Variants in TMC2 observed in about 807,000 individuals in gnomAD.
The protein encoded by TMC2 is transmembrane channel-like protein 2.
TMC2 carries 102 observed loss-of-function variants against 105.9 expected under a neutral mutation model. The ratio of observed to expected loss-of-function variants is 0.96; its 90% confidence interval spans 0.82 to 1.14. The LOEUF is 1.14. Among genes scored for constraint, TMC2 ranks in the 50% most tolerant of loss-of-function variants. The probability of loss-of-function intolerance (pLI) is 0.00; values close to 1 mark genes in which losing one functional copy is unlikely to be tolerated. For synonymous variants in TMC2, 402 were observed against 422.8 expected (o/e 0.95, Z 0.60); for missense variants, 1,093 against 1,134.3 (o/e 0.96, Z 0.52).
At position 2,613,213 on chromosome 20, in the gene TMC2, T is replaced by A. The variant is rs757763126; in HGVS notation, c.1763T>A (p.Val588Glu). The change falls in exon 14 of 20, where the codon GTG (valine) becomes GAG (glutamate). Residue 588 changes from valine to glutamate, a missense_variant. Physicochemically the swap from Val to Glu is moderately radical, Grantham distance 121. Transcript: ENST00000358864. ...CTGCAGGAATTCATGAGGCTGACGG[T>A]GTCTGACATGCTGGTAACGTACATC... The part of the protein sequence containing the change: ...AVGIEFMRLT[V>E]SDMLVTYITI... 6.2e-7 allele frequency: 1 copy of A among 1,613,630 alleles called. No homozygotes were observed. Among genetic ancestry groups the A allele is most frequent in the African/African-American group, 1.3e-5 (1 of 74,906 alleles).
At chr20:2,625,867 A>G (rs1300201727) in intron 17 of TMC2, among the ~76,000 whole-genome samples, 2 of 152,014 alleles carry the variant, frequency 1.3e-5, no homozygotes, top group African/African-American at 2.4e-5. Context: ...ATAAATTCCA[A>G]CTCTCCGGTG....
Position 2,592,339 on chromosome 20 carries a change from TC to T in TMC2, c.867del (p.Arg290GlufsTer44), listed in dbSNP as rs2086274851. The T allele has an allele frequency of 6.2e-7, 1 of 1,614,050 alleles. No individual in the cohort carries two copies. The highest frequency in any genetic ancestry group is 2.2e-5 in the East Asian group (1 of 44,880). ...TGATGGGCATGCCCTATGGGAGTAT[TC>T]CCAGAAAGACAGTGCCTCGGGCTGA... Reference protein sequence around the residue: ...VLMGMPYGSIPRKTVPRAEEE... With the variant: ...VLMGMPYGSIXRKTVPRAEEE... On this transcript the variant is annotated frameshift_variant, in exon 8 of 20. Transcript: ENST00000358864. LOFTEE classifies it high-confidence loss of function. This position sits in a 1 kb window ranked among gnomAD's most constrained non-coding sequence, Gnocchi z 4.9.
chr20:2,606,215 G>A (rs752642814), intron 11 of TMC2, among the ~76,000 whole-genome samples: 12 of 151,968 alleles, frequency 7.9e-5, no homozygotes, highest in Admixed American at 1.3e-4. Flanking sequence ...ATACATCCTG[G>A]TATTGGTCAT....
intron 2 of TMC2, among the ~76,000 whole-genome samples, chr20:2,548,574 G>T (rs2085938168): frequency 6.6e-6 from 1 of 151,386 alleles, no homozygotes; most frequent in Admixed American, 6.6e-5. Flanking sequence ...GGAGGCGGAG[G>T]TTGCAGTGAG....
At chr20:2,570,035 G>T (rs934832350) in intron 4 of TMC2, among the ~76,000 whole-genome samples, 1 of 152,100 alleles carries the variant, frequency 6.6e-6, no homozygotes. Flanking sequence ...CATACTGAAT[G>T]GGCAAAAACT....
intron 2 of TMC2, among the ~76,000 whole-genome samples, chr20:2,550,272 G>A (rs1295205357): frequency 6.6e-6 from 1 of 152,032 alleles, no homozygotes; most frequent in African/African-American, 2.4e-5. Flanking sequence ...TCACTTGAGC[G>A]TGGGAGGCAG....
intron 2 of TMC2, among the ~76,000 whole-genome samples, chr20:2,557,431 T>G (rs2085991558): frequency 6.6e-6 from 1 of 152,272 alleles, no homozygotes. Flanking sequence ...TTTTTATTGT[T>G]TCTTAGAGTT....
rs1363978671 is a variant in TMC2, at chr20:2,597,307, C to T, written c.1224+9C>T. The stretch of plus-strand genomic sequence containing the variant: ...TCACCACCAGCTTCAAGGTAGTCAC[C>T]CCAGGGCAGTTCCCACTTCCGGAGA... On this transcript the variant is annotated intron_variant, in intron 10 of 19. Transcript: ENST00000358864. 1 of 1,612,168 alleles carries T rather than the reference C, an allele frequency of 6.2e-7. No individual in the cohort carries two copies. The highest frequency in any genetic ancestry group is 8.5e-7 in the Non-Finnish European group (1 of 1,178,640).
chr20:2,539,661 T>C (rs968143547), intron 2 of TMC2, among the ~76,000 whole-genome samples: 2 of 152,178 alleles, frequency 1.3e-5, no homozygotes, highest in South Asian at 2.1e-4. Flanking sequence ...AGAGCTCTCT[T>C]AGGGGTCATG....
At chr20:2,588,677 C>T in intron 7 of TMC2, among the ~76,000 whole-genome samples, 1 of 110,612 alleles carries the variant, frequency 9.0e-6, no homozygotes, top group East Asian at 3.0e-4. Flanking sequence ...ATGTGTGTGC[C>T]TTTGCATGTG....
intron 17 of TMC2, among the ~76,000 whole-genome samples, chr20:2,635,360 C>G (rs1165527677): frequency 6.6e-6 from 1 of 152,318 alleles, no homozygotes; most frequent in East Asian, 1.9e-4. Flanking sequence ...CCACCTCCCC[C>G]TCTCAGGGTT....
intron 2 of TMC2, among the ~76,000 whole-genome samples, chr20:2,555,021 A>C (rs900162601): frequency 2.0e-5 from 3 of 152,058 alleles, no homozygotes; most frequent in African/African-American, 4.8e-5. Flanking sequence ...TTGATAGAGG[A>C]ATATTAAAGT....
intron 19 of TMC2, among the ~76,000 whole-genome samples, chr20:2,639,186 C>T (rs553276561): frequency 2.0e-4 from 30 of 152,280 alleles, no homozygotes; most frequent in African/African-American, 6.5e-4. Flanking sequence ...TGAGCCACCG[C>T]GTCCGGCCTA....
At chr20:2,623,633 C>T (rs1184147016) in intron 16 of TMC2, among the ~76,000 whole-genome samples, 1 of 152,104 alleles carries the variant, frequency 6.6e-6, no homozygotes, top group Non-Finnish European at 1.5e-5. Flanking sequence ...ATTTCAAACC[C>T]CGTATTCCAC....
chr20:2,615,324 A>T (rs1269667809), intron 14 of TMC2, among the ~76,000 whole-genome samples: 1 of 152,240 alleles, frequency 6.6e-6, no homozygotes, highest in Non-Finnish European at 1.5e-5. Context: ...CCGTCTCAAT[A>T]AATAAACATC....
In TMC2 at chr20:2,597,058, T is replaced by C. The variant is rs981346277; in HGVS notation, c.1077-93T>C. The C allele has an allele frequency of 7.8e-6, 11 of 1,401,650 alleles. No homozygotes were observed. In the African/African-American group the frequency reaches 1.4e-4, roughly 18 times the overall value. The allele number at this position is 1,401,650 out of a possible 1,614,324, so 86.8% of individuals were successfully genotyped here. On this transcript the variant is annotated intron_variant, in intron 9 of 19. Coordinates refer to ENST00000358864, the MANE Select transcript of TMC2 (RefSeq NM_080751.3). ...TGAATGTCAGCTACCTGTTTATCTGTTACCTGTGTCCGAGACTGGCTAGGC... is the reference window on the plus strand; with the variant it reads ...TGAATGTCAGCTACCTGTTTATCTGCTACCTGTGTCCGAGACTGGCTAGGC...
At chr20:2,615,777 A>G (rs1215454704) in intron 14 of TMC2, among the ~76,000 whole-genome samples, 1 of 152,182 alleles carries the variant, frequency 6.6e-6, no homozygotes, top group East Asian at 1.9e-4. Flanking sequence ...CTTGATTATA[A>G]TTTCAGGGTA....
chr20:2,625,850 G>A (rs2086561010), intron 17 of TMC2, among the ~76,000 whole-genome samples: 1 of 152,148 alleles, frequency 6.6e-6, no homozygotes. Flanking sequence ...CCTTTGGACT[G>A]TTATTTATAA....
intron 10 of TMC2, 117 bp downstream of exon 10, chr20:2,597,415 C>T: frequency 9.3e-7 from 1 of 1,080,814 alleles, no homozygotes. Context: ...GTGGCAAGAG[C>T]CTTCCCAGAA....
Sources: gnomAD v4.1 joint callset for allele counts (sites outside exome capture counted in the v4.1 genomes callset) on GRCh38, gnomAD v4.1.1 for gene constraint, Gnocchi (gnomAD v3.1) non-coding constraint, MANE v1.5 for transcripts, NCBI Gene and HGNC (gene_info 2026-07-23, HGNC 2026-07-21) for gene names.